IFT80: variants seen among roughly 807,000 people sequenced by gnomAD.
IFT80 encodes intraflagellar transport 80.
IFT80 carries 79 observed loss-of-function variants against 107.9 expected under a neutral mutation model. That is an observed-to-expected ratio of 0.73 (90% CI 0.61 to 0.88). The LOEUF (loss-of-function observed/expected upper bound fraction) is 0.88. Ranked by LOEUF, IFT80 falls within the 40% of genes least tolerant of loss-of-function variation. IFT80 has a pLI of 0.00. For synonymous variants in IFT80, 299 were observed against 300.9 expected, an observed-to-expected ratio of 0.99 and a Z score of 0.07; for missense variants, 797 against 914.2, an observed-to-expected ratio of 0.87 and a Z score of 1.65.
intron 8 of IFT80, among the ~76,000 whole-genome samples, chr3:160,344,154 A>C (rs1046779227): frequency 1.3e-5 from 2 of 152,194 alleles, no homozygotes; most frequent in African/African-American, 4.8e-5. Context: ...TCATTGCTAA[A>C]GAGACAACAT....
chr3:160,355,507 T>A (rs970205760), intron 8 of IFT80, among the ~76,000 whole-genome samples: 1 of 152,096 alleles, frequency 6.6e-6, no homozygotes, highest in Non-Finnish European at 1.5e-5. Flanking sequence ...CTCCTTGGAC[T>A]CCGGAAGTGC....
At chr3:160,356,234 A>G (rs1317043643) in intron 7 of IFT80, 84 bp from the exon 8 acceptor site, 21 of 1,209,322 alleles carry the variant, frequency 1.7e-5, no homozygotes, top group Middle Eastern at 2.7e-4. Context: ...AATAAAATAA[A>G]AATGTTTTAT....
In IFT80 at chr3:160,277,288, G is replaced by A. The variant is rs372095408; in HGVS notation, c.2099+18C>T. 4 of 1,607,230 alleles carry A rather than the reference G, an allele frequency of 2.5e-6. No individual in the cohort carries two copies. The highest frequency in any genetic ancestry group is 2.7e-5 in the African/African-American group (2 of 74,754). ...AGGTCAAACAGATTTTGGAACTGATGGAAAGCATTCTTATTACCTTTCCCA... is the reference window on the plus strand; with the variant it reads ...AGGTCAAACAGATTTTGGAACTGATAGAAAGCATTCTTATTACCTTTCCCA... On this transcript the variant is annotated intron_variant, in intron 18 of 19. Transcript: ENST00000326448.
chr3:160,274,421 C>T (rs1289412530), intron 18 of IFT80: 5 of 151,968 alleles, frequency 3.3e-5, no homozygotes, highest in Admixed American at 2.0e-4. Flanking sequence ...GTGATACCTA[C>T]TCACTCACTG....
chr3:160,357,992 T>A (rs1313929040), intron 6 of IFT80, among the ~76,000 whole-genome samples: 1 of 151,208 alleles, frequency 6.6e-6, no homozygotes, highest in Non-Finnish European at 1.5e-5. Flanking sequence ...TCATGCTTGT[T>A]TACTTATTTA....
At chr3:160,351,582 A>G (rs1016627923) in intron 8 of IFT80, among the ~76,000 whole-genome samples, 2 of 145,822 alleles carry the variant, frequency 1.4e-5, no homozygotes, top group African/African-American at 2.5e-5. Context: ...CACATATATT[A>G]TATGTATATA....
At chr3:160,328,816 T>C (rs932132846) in intron 8 of IFT80, among the ~76,000 whole-genome samples, 6 of 152,048 alleles carry the variant, frequency 3.9e-5, no homozygotes, top group Non-Finnish European at 8.8e-5. Flanking sequence ...TAAAAAGGAA[T>C]GAGATCATGT....
Position 160,258,515 on chromosome 3 carries a change from C to T in IFT80, c.*10G>A, listed in dbSNP as rs751300896. On this transcript the variant is annotated 3_prime_UTR_variant, in exon 20 of 20. Transcript: ENST00000326448. ...CAAAAGATAAAATTTCTTAAAGATA[C>T]GCATGGCATTTAGGGCTTTAAACCT... 6.2e-6 allele frequency: 10 copies of T among 1,613,370 alleles called. No individual in the cohort carries two copies. The highest frequency in any genetic ancestry group is 1.7e-5 in the Admixed American group (1 of 59,974).
At chr3:160,280,837 T>C in intron 14 of IFT80, 23 bp from the exon 15 acceptor site, 3 of 1,602,700 alleles carry the variant, frequency 1.9e-6, no homozygotes, top group Non-Finnish European at 1.7e-6. Context: ...AGAATGTTAA[T>C]GTGCTATTAG....
chr3:160,301,931 C>T (rs1366584468), intron 11 of IFT80, among the ~76,000 whole-genome samples: 1 of 151,966 alleles, frequency 6.6e-6, no homozygotes, highest in Non-Finnish European at 1.5e-5. Context: ...AGAATGTCTA[C>T]AGTGTATATA....
intron 8 of IFT80, among the ~76,000 whole-genome samples, chr3:160,338,783 A>G (rs999913172): frequency 6.6e-6 from 1 of 152,062 alleles, no homozygotes; most frequent in African/African-American, 2.4e-5. Flanking sequence ...TATAATACCA[A>G]TCTCTTCTGG....
At chr3:160,352,038 CAG>C (rs1720746430) in intron 8 of IFT80, among the ~76,000 whole-genome samples, 3 of 148,450 alleles carry the variant, frequency 2.0e-5, no homozygotes, top group East Asian at 2.0e-4. Context: ...TTTTTTGAGA[CAG>C]AGTCTCTCTC....
At chr3:160,264,309 T>C (rs369443344) in intron 19 of IFT80, among the ~76,000 whole-genome samples, 7 of 149,440 alleles carry the variant, frequency 4.7e-5, no homozygotes, top group African/African-American at 1.5e-4. Context: ...GATTTCGCCA[T>C]GTTGCCCAGG....
chr3:160,274,961 T>A (rs59902878), intron 18 of IFT80, among the ~76,000 whole-genome samples: 1,910 of 152,338 alleles, frequency 0.013, 31 homozygotes, highest in African/African-American at 0.044. Context: ...CAGCCATAGA[T>A]AATTGATTGC....
intron 1 of IFT80, among the ~76,000 whole-genome samples, chr3:160,395,056 A>G (rs1713675430): frequency 6.6e-6 from 1 of 152,220 alleles, no homozygotes; most frequent in Non-Finnish European, 1.5e-5. Flanking sequence ...TGCTCACAGT[A>G]TTATTTAATC....
chr3:160,391,060 C>A (rs991506481), intron 1 of IFT80, among the ~76,000 whole-genome samples: 2 of 152,174 alleles, frequency 1.3e-5, no homozygotes, highest in Non-Finnish European at 2.9e-5. Context: ...AAAGTGGGCA[C>A]AAATATGACT....
intron 18 of IFT80, chr3:160,268,905 CA>C: frequency 3.9e-6 from 1 of 258,692 alleles, no homozygotes; most frequent in Non-Finnish European, 7.5e-6. Context: ...GTGAGTAATA[CA>C]GAGTACATAT....
chr3:160,397,384 T>G (rs1402733208), intron 1 of IFT80, among the ~76,000 whole-genome samples: 1 of 152,212 alleles, frequency 6.6e-6, no homozygotes, highest in South Asian at 2.1e-4. Context: ...CTAACATCCT[T>G]GACTTGGTTT....
At chr3:160,287,404 C>G (rs573771182) in intron 12 of IFT80, among the ~76,000 whole-genome samples, 8 of 152,162 alleles carry the variant, frequency 5.3e-5, no homozygotes, top group African/African-American at 1.9e-4. Flanking sequence ...GAAGACTGCC[C>G]TTAAGCTTTG....
Sources: allele counts gnomAD v4.1 joint callset (sites outside exome capture counted in the v4.1 genomes callset), GRCh38; gene constraint gnomAD v4.1.1; transcripts MANE v1.5; gene names NCBI Gene and HGNC (gene_info 2026-07-23, HGNC 2026-07-21).